Variants in RALGAPA1 observed in about 807,000 individuals in gnomAD.
RALGAPA1 encodes the protein ral GTPase-activating protein subunit alpha-1.
Under a neutral mutation model 269.6 loss-of-function variants are expected in RALGAPA1, and 52 were observed. The observed-to-expected ratio is 0.19, with a 90% CI of 0.15 to 0.24. The LOEUF is 0.24. Ranked by LOEUF, RALGAPA1 falls within the 10% of genes least tolerant of loss-of-function variation. The pLI is 1.00. For synonymous variants in RALGAPA1, 817 were observed against 1,008.3 expected, an observed-to-expected ratio of 0.81 and a Z score of 3.60; for missense variants, 1,917 against 3,013.9, an observed-to-expected ratio of 0.64 and a Z score of 8.52.
chr14:35,808,869 G>A lies in RALGAPA1; in HGVS notation c.-34C>T, dbSNP rs1469725111. 4 of 1,594,992 alleles carry A rather than the reference G, an allele frequency of 2.5e-6. No individual in the cohort carries two copies. Among genetic ancestry groups the A allele is most frequent in the Middle Eastern group, 2.2e-4 (1 of 4,522 alleles). On this transcript the variant is annotated 5_prime_UTR_variant, in exon 1 of 42. Coordinates refer to ENST00000680220, the MANE Select transcript of RALGAPA1 (RefSeq NM_001346249.2). Reference sequence around the variant, plus strand: ...TGCCACTGCCACTGCCACTGCCACAGCCGGCTCCCAGCCGGGTCCCGGCGG... The same window carrying A: ...TGCCACTGCCACTGCCACTGCCACAACCGGCTCCCAGCCGGGTCCCGGCGG...
chr14:35,556,751 C>G (rs1465504782), intron 39 of RALGAPA1, among the ~76,000 whole-genome samples: 1 of 152,172 alleles, frequency 6.6e-6, no homozygotes, highest in Non-Finnish European at 1.5e-5. Context: ...GGCAGGACAC[C>G]TGGTACTTCT....
chr14:35,670,271 C>T (rs2064293196), intron 26 of RALGAPA1, among the ~76,000 whole-genome samples: 1 of 152,174 alleles, frequency 6.6e-6, no homozygotes, highest in Non-Finnish European at 1.5e-5. Context: ...TGCAGCTAAA[C>T]AATGAAATAA....
chr14:35,614,987 G>T (rs925602081), intron 35 of RALGAPA1, among the ~76,000 whole-genome samples: 6 of 152,006 alleles, frequency 3.9e-5, no homozygotes, highest in Non-Finnish European at 8.8e-5. Flanking sequence ...GAGTTCAGCT[G>T]CCCTTTATGT....
intron 35 of RALGAPA1, among the ~76,000 whole-genome samples, chr14:35,618,149 A>G (rs1279779964): frequency 2.6e-5 from 4 of 152,196 alleles, no homozygotes; most frequent in Admixed American, 2.6e-4. Flanking sequence ...GAAGCTGGGT[A>G]TAACCTCAAT....
rs1261280992 is a variant in RALGAPA1 at position 35,602,489 on chromosome 14, C to G, written c.7053+3097G>C. ...CTAGCCAACAGTTGTTATTACCTGA[C>G]TTTCTGATTATAGTTATCTTAATGG... is the stretch of plus-strand genomic sequence containing the variant. On this transcript the variant is annotated intron_variant, in intron 36 of 41. Transcript: ENST00000680220. 2.6e-5 allele frequency among the ~76,000 whole-genome samples: 4 copies of G among 152,176 alleles called. 1 individual carries two copies. The highest frequency in any genetic ancestry group is 4.1e-4 in the South Asian group (2 of 4,826).
At chr14:35,559,661 ATGTGGACCATACTGTTACACTAAAT>A (rs1201274744) in intron 39 of RALGAPA1, among the ~76,000 whole-genome samples, 1 of 152,190 alleles carries the variant, frequency 6.6e-6, no homozygotes, top group Non-Finnish European at 1.5e-5. Flanking sequence ...AGATTGGCAT[ATGTGGACCATACTGTTACACTAAAT>A]TTGACAAAAC....
intron 26 of RALGAPA1, among the ~76,000 whole-genome samples, chr14:35,668,813 C>A (rs1437521107): frequency 6.6e-6 from 1 of 151,730 alleles, no homozygotes; most frequent in African/African-American, 2.4e-5. Context: ...ATCTCAAAAA[C>A]AAAACAAAAC....
At position 35,748,628 on chromosome 14, in the gene RALGAPA1, G is replaced by T. The variant is rs759557310; in HGVS notation, c.1208C>A (p.Ser403Tyr). The change falls in exon 10 of 42, where the codon TCT (serine) becomes TAT (tyrosine). Residue 403 changes from serine (S) to tyrosine (Y), a missense_variant. Ser to Tyr is a moderately radical substitution (Grantham distance 144). Transcript: ENST00000680220. ...CACAAAGTTTACATTACTCCTTTTAGAAGAAAAAACTCTGCGAACTATTTC... is the reference window on the plus strand; with the variant it reads ...CACAAAGTTTACATTACTCCTTTTATAAGAAAAAACTCTGCGAACTATTTC... ...DIEIVRRVFS[S>Y]KRSNVNFVTE... 1.2e-6 allele frequency: 2 copies of T among 1,610,660 alleles called. No homozygotes were observed.
chr14:35,547,624 CTTAA>C (rs1186414700), intron 41 of RALGAPA1, among the ~76,000 whole-genome samples: 3 of 152,186 alleles, frequency 2.0e-5, no homozygotes, highest in Non-Finnish European at 2.9e-5. Context: ...GCCAGATATA[CTTAA>C]TTAGTTATTT....
At chr14:35,748,168 A>C (rs1043993746) in intron 10 of RALGAPA1, among the ~76,000 whole-genome samples, 2 of 152,054 alleles carry the variant, frequency 1.3e-5, no homozygotes, top group African/African-American at 2.4e-5. Context: ...ATTACGCTAA[A>C]AGTATCACAA....
Position 35,805,131 on chromosome 14 carries a change from C to CA in RALGAPA1, c.106+3598dup, listed in dbSNP as rs1026862917. ...TGAAACCCCATCTCTATTAGGAATACAAAAAAAAAAGGCGGGGCGCCGTGG... is the reference window on the plus strand; with the variant it reads ...TGAAACCCCATCTCTATTAGGAATACAAAAAAAAAAAGGCGGGGCGCCGTGG... On this transcript the variant is annotated intron_variant, in intron 1 of 41. Coordinates refer to ENST00000680220, the MANE Select transcript of RALGAPA1 (RefSeq NM_001346249.2). Among the ~76,000 whole-genome samples the CA allele has an allele frequency of 5.7e-3, 818 of 142,512 alleles. 7 individuals carry two copies. Among genetic ancestry groups the CA allele is most frequent in the African/African-American group, 0.019 (747 of 38,988 alleles). The allele number at this position is 142,512 out of a possible 152,430, so 93.5% of individuals were successfully genotyped here.
chr14:35,737,650 T>C (rs2141108483), intron 12 of RALGAPA1, among the ~76,000 whole-genome samples: 1 of 149,272 alleles, frequency 6.7e-6, no homozygotes, highest in East Asian at 2.0e-4. Context: ...TCCCAGCTTC[T>C]TGGGAGGCTG....
chr14:35,661,159 G>A (rs1015634181), intron 27 of RALGAPA1, among the ~76,000 whole-genome samples: 1 of 152,206 alleles, frequency 6.6e-6, no homozygotes, highest in South Asian at 2.1e-4. Context: ...AGATAGCCAT[G>A]TGAGGTGATG....
chr14:35,644,247 T>A (rs774984102), intron 31 of RALGAPA1, among the ~76,000 whole-genome samples: 1 of 152,182 alleles, frequency 6.6e-6, no homozygotes, highest in South Asian at 2.1e-4. Context: ...ATTTCCAAGA[T>A]ACACTGTCAA....
chr14:35,674,599 C>T lies in RALGAPA1; in HGVS notation c.4735G>A (p.Gly1579Arg). Residue 1579 changes from glycine (G) to arginine (R), a missense_variant, in exon 23 of 42, where the codon GGA (glycine) becomes AGA (arginine). Gly to Arg is a moderately radical substitution (Grantham distance 125). Coordinates refer to ENST00000680220, the MANE Select transcript of RALGAPA1 (RefSeq NM_001346249.2). ...GGATCCATGATTGAATTTACATCTC[C>T]CAAAATGCCTAGCATTCTTCGCCAC... is the stretch of plus-strand genomic sequence containing the variant. ...VMWRRMLGIL[G>R]DVNSIMDPEI... The T allele has an allele frequency of 6.2e-7, 1 of 1,606,418 alleles. No homozygotes were observed. The highest frequency in any genetic ancestry group is 8.5e-7 in the Non-Finnish European group (1 of 1,174,068).
intron 35 of RALGAPA1, among the ~76,000 whole-genome samples, chr14:35,623,724 C>T (rs1392347149): frequency 6.6e-6 from 1 of 152,108 alleles, no homozygotes; most frequent in Non-Finnish European, 1.5e-5. Flanking sequence ...GGGACTCTAT[C>T]CTGCGGCAAG....
At chr14:35,725,175 A>C (rs1463919941) in intron 13 of RALGAPA1, 22 bp from the exon 14 acceptor site, 1 of 1,508,888 alleles carries the variant, frequency 6.6e-7, no homozygotes, top group African/African-American at 1.4e-5. Flanking sequence ...AAGACTGATT[A>C]ATGTTTCCTT....
At chr14:35,718,903 G>A (rs1429007846) in intron 16 of RALGAPA1, among the ~76,000 whole-genome samples, 2 of 150,388 alleles carry the variant, frequency 1.3e-5, no homozygotes, top group East Asian at 2.0e-4. Context: ...GCAGTGGTGT[G>A]ATCTCAGCTT....
rs2065794197 is a variant in RALGAPA1, at chr14:35,685,054, A to G, written c.4169T>C (p.Ile1390Thr). Residue 1390 changes from isoleucine (I) to threonine (T), a missense_variant, in exon 20 of 42, where the codon ATT (isoleucine) becomes ACT (threonine). By Grantham distance (89) the Ile-to-Thr change is moderately conservative. This residue lies in a region of RALGAPA1 where 615 missense variants were observed against 790.0 expected (regional missense o/e 0.78). Coordinates refer to ENST00000680220, the MANE Select transcript of RALGAPA1 (RefSeq NM_001346249.2). ...ILNKQNQMRPIDDPGVPSEWT... is the reference protein window; with the variant it reads ...ILNKQNQMRPTDDPGVPSEWT... ...TTCTGAGGGCACACCTGGGTCATCA[A>G]TAGGGCGCATCTGGTTCTGCTTGTT... 1.9e-6 allele frequency: 3 copies of G among 1,603,698 alleles called. No homozygotes were observed. The highest frequency in any genetic ancestry group is 1.1e-5 in the South Asian group (1 of 89,246).
Sources: allele counts gnomAD v4.1 joint callset (sites outside exome capture counted in the v4.1 genomes callset), GRCh38; gene constraint gnomAD v4.1.1; regional missense constraint gnomAD v4.1.1; transcripts MANE v1.5; gene names NCBI Gene and HGNC (gene_info 2026-07-23, HGNC 2026-07-21).